The following CFAP58 variants were observed in gnomAD, a reference collection of about 807,000 sequenced individuals.
The protein encoded by CFAP58 is cilia- and flagella-associated protein 58.
In CFAP58, 88 loss-of-function variants were observed where a neutral mutation model predicts 119.5. The observed-to-expected ratio is 0.74, with a 90% CI of 0.62 to 0.88. The LOEUF is 0.88. Ranked by LOEUF, CFAP58 falls within the 40% of genes least tolerant of loss-of-function variation. The pLI is 0.00. For synonymous variants in CFAP58, 365 were observed against 366.3 expected, an observed-to-expected ratio of 1.00 and a Z score of 0.04; for missense variants, 990 against 1,021.2, an observed-to-expected ratio of 0.97 and a Z score of 0.42.
chr10:104,338,676 C>T, the CFAP58 span, among the ~76,000 whole-genome samples: 12 of 152,204 alleles, frequency 7.9e-5, no homozygotes, highest in African/African-American at 2.2e-4. Flanking sequence ...GTGGAGTAAA[C>T]TGGAGCGAGT....
chr10:104,424,362 A>G (rs1278533740), intron 15 of CFAP58, among the ~76,000 whole-genome samples: 4 of 152,172 alleles, frequency 2.6e-5, no homozygotes, highest in African/African-American at 9.7e-5. Flanking sequence ...AGGGGCCAGT[A>G]TACTGTCTGT....
intron 13 of CFAP58, among the ~76,000 whole-genome samples, chr10:104,402,124 A>G (rs1348626626): frequency 6.6e-6 from 1 of 152,170 alleles, no homozygotes; most frequent in Non-Finnish European, 1.5e-5. Flanking sequence ...ATGAATTCCA[A>G]TCTGTCTGGC....
intron 6 of CFAP58, 69 bp downstream of exon 6, chr10:104,368,629 A>T: frequency 6.4e-7 from 1 of 1,564,554 alleles, no homozygotes; most frequent in Non-Finnish European, 8.7e-7. Context: ...TGGCAATTGG[A>T]GCCCTCAGTT....
chr10:104,406,216 TC>T (rs1451547966), intron 14 of CFAP58, among the ~76,000 whole-genome samples: 1 of 152,248 alleles, frequency 6.6e-6, no homozygotes, highest in African/African-American at 2.4e-5. Flanking sequence ...TGGGCGTGAT[TC>T]CGGCTCTGAG....
At chr10:104,434,420 T>C (rs1022586473) in intron 15 of CFAP58, among the ~76,000 whole-genome samples, 6 of 152,176 alleles carry the variant, frequency 3.9e-5, no homozygotes, top group Admixed American at 6.5e-5. Context: ...ATGAGCATAG[T>C]GTAGGAGGCC....
At chr10:104,427,019 G>T (rs561550303) in intron 15 of CFAP58, among the ~76,000 whole-genome samples, 1 of 152,190 alleles carries the variant, frequency 6.6e-6, no homozygotes, top group South Asian at 2.1e-4. Context: ...CAGAGTGAAT[G>T]GCCAAGAAGC....
intron 7 of CFAP58, 57 bp from the exon 8 acceptor site, chr10:104,376,754 T>C: frequency 2.8e-6 from 4 of 1,410,780 alleles, no homozygotes; most frequent in South Asian, 2.4e-5. Flanking sequence ...TCGGCTTTTG[T>C]AGATTCTCTT....
chr10:104,372,114 A>C (rs1287787663), intron 7 of CFAP58, among the ~76,000 whole-genome samples: 1 of 152,214 alleles, frequency 6.6e-6, no homozygotes, highest in Non-Finnish European at 1.5e-5. Flanking sequence ...GCACTTTGGG[A>C]GGCCAAGGCA....
intron 15 of CFAP58, among the ~76,000 whole-genome samples, chr10:104,431,441 T>TC (rs2012845448): frequency 6.6e-6 from 1 of 152,188 alleles, no homozygotes; most frequent in Non-Finnish European, 1.5e-5. Context: ...TTCCTAAAAG[T>TC]TCTAGAATAA....
At chr10:104,424,036 G>T (rs1392322651) in intron 15 of CFAP58, among the ~76,000 whole-genome samples, 2 of 152,112 alleles carry the variant, frequency 1.3e-5, no homozygotes, top group Non-Finnish European at 2.9e-5. Context: ...AATCTCTGGT[G>T]GGTCATCAAG....
chr10:104,382,762 A>G (rs1001674341), intron 9 of CFAP58, among the ~76,000 whole-genome samples: 4 of 152,124 alleles, frequency 2.6e-5, no homozygotes, highest in African/African-American at 9.7e-5. Flanking sequence ...GTGACTTGTG[A>G]AGAAGATGCC....
At chr10:104,405,313 T>TG (rs2012341020) in intron 14 of CFAP58, among the ~76,000 whole-genome samples, 1 of 152,244 alleles carries the variant, frequency 6.6e-6, no homozygotes, top group Non-Finnish European at 1.5e-5. Context: ...AAGAGTGGTG[T>TG]AGTTTACTAA....
At chr10:104,382,488 C>G (rs1001411138) in intron 9 of CFAP58, 2 of 340,868 alleles carry the variant, frequency 5.9e-6, no homozygotes, top group Non-Finnish European at 1.1e-5. Context: ...TGGATATAAA[C>G]CTCTGTCACC....
intron 7 of CFAP58, among the ~76,000 whole-genome samples, chr10:104,376,114 A>G (rs1275815814): frequency 6.6e-6 from 1 of 152,180 alleles, no homozygotes; most frequent in African/African-American, 2.4e-5. Flanking sequence ...TCGCAGGGCA[A>G]TTTCAAGGTA....
chr10:104,432,922 A>G (rs573927144), intron 15 of CFAP58, among the ~76,000 whole-genome samples: 1 of 152,358 alleles, frequency 6.6e-6, no homozygotes, highest in Non-Finnish European at 1.5e-5. Flanking sequence ...ATTCTACTTG[A>G]AGGATTAATC....
chr10:104,449,640 A>AT (rs778142434), intron 16 of CFAP58, among the ~76,000 whole-genome samples: 57 of 152,022 alleles, frequency 3.7e-4, no homozygotes, highest in Non-Finnish European at 6.8e-4. Context: ...CTTCAGAATA[A>AT]TTTTTTTCAT....
chr10:104,439,570 T>A (rs2012999989), intron 15 of CFAP58, among the ~76,000 whole-genome samples: 1 of 152,168 alleles, frequency 6.6e-6, no homozygotes, highest in South Asian at 2.1e-4. Context: ...TTTTGAAAAT[T>A]GGACAGCATT....
At chr10:104,370,816 T>C (rs941386637) in intron 6 of CFAP58, 79 bp from the exon 7 acceptor site, 9 of 1,260,382 alleles carry the variant, frequency 7.1e-6, no homozygotes, top group Middle Eastern at 1.9e-4. Context: ...TTCCTTTTAT[T>C]GGTTCTGAGT....
At chr10:104,387,860 TG>T (rs1216753133) in intron 9 of CFAP58, among the ~76,000 whole-genome samples, 1 of 152,222 alleles carries the variant, frequency 6.6e-6, no homozygotes, top group Non-Finnish European at 1.5e-5. Flanking sequence ...AACATTCTTT[TG>T]CAACAAATCC....
Sources: gnomAD v4.1 joint callset for allele counts (sites outside exome capture counted in the v4.1 genomes callset) on GRCh38, gnomAD v4.1.1 for gene constraint, MANE v1.5 for transcripts, NCBI Gene and HGNC (gene_info 2026-07-23, HGNC 2026-07-21) for gene names.